RELN: variants seen among roughly 807,000 people sequenced by gnomAD.
The protein encoded by RELN is reelin.
Under a neutral mutation model 427.6 loss-of-function variants are expected in RELN, and 108 were observed. The ratio of observed to expected loss-of-function variants is 0.25; its 90% CI spans 0.22 to 0.30. The LOEUF is 0.30. RELN is among the 10% of genes least tolerant of loss of function. The pLI, the probability that RELN is intolerant of heterozygous loss-of-function variation, is 1.00. For missense variants in RELN, 3,715 were observed against 4,302.8 expected (o/e 0.86, Z 3.82); for synonymous variants, 1,524 against 1,513.4 (o/e 1.01, Z -0.16).
intron 1 of RELN, among the ~76,000 whole-genome samples, chr7:103,951,846 T>G (rs1317375234): frequency 6.6e-6 from 1 of 152,224 alleles, no homozygotes; most frequent in African/African-American, 2.4e-5. Flanking sequence ...CTAATTTTTG[T>G]ATTTTTAGTA....
chr7:103,704,295 T>C (rs1482231255), intron 8 of RELN, among the ~76,000 whole-genome samples: 3 of 152,226 alleles, frequency 2.0e-5, no homozygotes, highest in Non-Finnish European at 2.9e-5. Context: ...CTTTGTATGA[T>C]CAAGTATAAA....
chr7:103,763,010 A>G (rs376472735), intron 4 of RELN, among the ~76,000 whole-genome samples: 12 of 152,352 alleles, frequency 7.9e-5, no homozygotes, highest in African/African-American at 2.2e-4. Flanking sequence ...AGAAGAGTTC[A>G]TAACTTTAAA....
chr7:103,806,415 C>T (rs2116326470), intron 3 of RELN, among the ~76,000 whole-genome samples: 1 of 152,232 alleles, frequency 6.6e-6, no homozygotes, highest in Non-Finnish European at 1.5e-5. Context: ...ACCTCCACCT[C>T]CTGGGTTCAA....
chr7:103,734,997 T>G (rs762195119), intron 6 of RELN, among the ~76,000 whole-genome samples: 2 of 152,184 alleles, frequency 1.3e-5, no homozygotes, highest in Non-Finnish European at 2.9e-5. Context: ...TCATATTCAG[T>G]ACCCCTTTGG....
chr7:103,650,263 T>A lies in RELN; in HGVS notation c.2002+11A>T. On this transcript the variant is annotated intron_variant, in intron 16 of 64. Coordinates refer to ENST00000428762, the MANE Select transcript of RELN (RefSeq NM_005045.4). ...CAATGGCATGTGATTATGACAGGCA[T>A]AAACACTAACCATTATCAATTGCCC... 4 of 1,503,630 alleles carry A rather than the reference T, an allele frequency of 2.7e-6. No homozygotes were observed. The highest frequency in any genetic ancestry group is 2.8e-6 in the Non-Finnish European group (3 of 1,079,546). 93.1% of individuals were successfully genotyped at this position (1,503,630 alleles called of 1,614,324 possible).
chr7:103,960,045 C>G (rs1796515814), intron 1 of RELN, among the ~76,000 whole-genome samples: 1 of 152,170 alleles, frequency 6.6e-6, no homozygotes. Flanking sequence ...TGCCCCCACT[C>G]CCCTCCACTT....
At chr7:103,694,129 C>T (rs368708568) in intron 10 of RELN, among the ~76,000 whole-genome samples, 2 of 152,058 alleles carry the variant, frequency 1.3e-5, no homozygotes, top group African/African-American at 4.8e-5. Context: ...AAAGCTGGAG[C>T]AAGATCAAGA....
chr7:103,666,808 AT>A lies in RELN; in HGVS notation c.1290-5282del, dbSNP rs923980494. Among the ~76,000 whole-genome samples the A allele has an allele frequency of 1.7e-4, 25 of 149,146 alleles. 1 individual carries two copies. The East Asian group carries it at 3.0e-3, about 18-fold the overall frequency. Reference sequence around the variant, plus strand: ...TTTGGAGTTTCCATTCTTCTGGGAGATTTTTTTTTTCACACTTGAATCAATG... The same window carrying A: ...TTTGGAGTTTCCATTCTTCTGGGAGATTTTTTTTTCACACTTGAATCAATG... On this transcript the variant is annotated intron_variant, in intron 11 of 64. Transcript: ENST00000428762.
At chr7:103,759,497 T>C (rs1791242489) in intron 4 of RELN, among the ~76,000 whole-genome samples, 1 of 152,128 alleles carries the variant, frequency 6.6e-6, no homozygotes, top group Non-Finnish European at 1.5e-5. Context: ...TTTGAATAAA[T>C]GATGGAAAGC....
At position 103,909,730 on chromosome 7, in the gene RELN, T is replaced by TAATAAATATATATA. The variant is rs1563084880; in HGVS notation, c.337+7344_337+7345insTATATATATTTATT. ...TATATAAATATATATTAAATATATT[T>TAATAAATATATATA]TTTAATATATATAAATATATATATT... On this transcript the variant is annotated intron_variant, in intron 2 of 64. Transcript: ENST00000428762. 1.0e-3 allele frequency among the ~76,000 whole-genome samples: 35 copies of TAATAAATATATATA among 33,998 alleles called. 11 individuals are homozygous for TAATAAATATATATA. The highest frequency in any genetic ancestry group is 4.3e-3 in the African/African-American group (27 of 6,242). 22.3% of individuals were successfully genotyped at this position (33,998 alleles called of 152,430 possible).
intron 4 of RELN, among the ~76,000 whole-genome samples, chr7:103,753,680 T>C (rs1791061616): frequency 6.6e-6 from 1 of 152,184 alleles, no homozygotes; most frequent in Admixed American, 6.5e-5. Context: ...ACTTTGAAAA[T>C]ACAAATTAAT....
Position 103,486,296 on chromosome 7 carries a change from C to T in RELN, c.9884G>A (p.Cys3295Tyr), listed in dbSNP as rs751395254. The change falls in exon 61 of 65, where the codon TGT becomes TAT. Residue 3295 changes from cysteine to tyrosine, a missense_variant. Cys to Tyr is a radical substitution (Grantham distance 194). Transcript: ENST00000428762. ...ATGGGCGTAGGGGGCCAGCTGCCCA[C>T]AGCCACTTCCTATGACTCCACCTTG... Reference protein sequence around the residue: ...TIQGGVIGSGCGQLAPYAHGD... With the variant: ...TIQGGVIGSGYGQLAPYAHGD... 3 of 1,614,056 alleles carry T rather than the reference C, an allele frequency of 1.9e-6. No individual in the cohort carries two copies. Among genetic ancestry groups the T allele is most frequent in the Admixed American group, 1.7e-5 (1 of 59,996 alleles).
chr7:103,727,988 A>G, intron 7 of RELN, 123 bp downstream of exon 7: 1 of 858,518 alleles, frequency 1.2e-6, no homozygotes, highest in Non-Finnish European at 1.9e-6. Context: ...GATATTTGTA[A>G]TAGGACTCAT....
At chr7:103,976,931 A>T (rs1194753775) in intron 1 of RELN, among the ~76,000 whole-genome samples, 1 of 152,122 alleles carries the variant, frequency 6.6e-6, no homozygotes, top group African/African-American at 2.4e-5. Context: ...ACGTGCCTGT[A>T]ATCCCAGCTA....
intron 2 of RELN, among the ~76,000 whole-genome samples, chr7:103,871,828 C>T (rs1794342147): frequency 6.6e-6 from 1 of 151,990 alleles, no homozygotes; most frequent in Non-Finnish European, 1.5e-5. Flanking sequence ...GAGGGCAATC[C>T]TTGCTTTGCT....
chr7:103,636,027 T>C (rs996701801), intron 18 of RELN, among the ~76,000 whole-genome samples: 1 of 152,200 alleles, frequency 6.6e-6, no homozygotes, highest in Non-Finnish European at 1.5e-5. Flanking sequence ...AAAAACCTAG[T>C]CAGTCATTAA....
At position 103,565,341 on chromosome 7, in the gene RELN, A is replaced by G. The variant is rs1260404900; in HGVS notation, c.5147T>C (p.Ile1716Thr). 1.2e-6 allele frequency: 2 copies of G among 1,614,110 alleles called. No individual in the cohort carries two copies. Among genetic ancestry groups the G allele is most frequent in the South Asian group, 2.2e-5 (2 of 91,084 alleles). Residue 1716 changes from isoleucine to threonine, a missense_variant, in exon 34 of 65, where the codon ATT becomes ACT. Ile to Thr is a moderately conservative substitution (Grantham distance 89, BLOSUM62 -1). Around this residue, in one of 4 missense-constraint regions of RELN, gnomAD observed 2,208 missense variants for 2,361.7 expected, o/e 0.93. Transcript: ENST00000428762. Reference protein sequence around the residue: ...IGCLHYTESSIYTSERFQNWK... With the variant: ...IGCLHYTESSTYTSERFQNWK... ...ATTCTGGAATCTTTCCGAGGTGTAAATTGAACTTTCCGTGTAATGCAGACA... is the reference window on the plus strand; with the variant it reads ...ATTCTGGAATCTTTCCGAGGTGTAAGTTGAACTTTCCGTGTAATGCAGACA...
chr7:103,959,909 A>T (rs1223577454), intron 1 of RELN, among the ~76,000 whole-genome samples: 1 of 151,990 alleles, frequency 6.6e-6, no homozygotes, highest in Non-Finnish European at 1.5e-5. Context: ...GACGCCCCAA[A>T]TCTTACCACA....
chr7:103,591,803 C>T (rs1475201521), intron 27 of RELN, among the ~76,000 whole-genome samples: 2 of 152,158 alleles, frequency 1.3e-5, no homozygotes, highest in South Asian at 4.1e-4. Flanking sequence ...TGTAGACATA[C>T]TCTCAGCTGT....
Sources: allele counts gnomAD v4.1 joint callset (sites outside exome capture counted in the v4.1 genomes callset), GRCh38; gene constraint gnomAD v4.1.1; regional missense constraint gnomAD v4.1.1; transcripts MANE v1.5; gene names NCBI Gene and HGNC (gene_info 2026-07-23, HGNC 2026-07-21).